The following KLHL4 variants were observed in gnomAD, a reference collection of about 807,000 sequenced individuals.
KLHL4 encodes kelch like family member 4, also known as kelch-like protein 4.
Under a neutral mutation model 45.8 loss-of-function variants are expected in KLHL4, and 17 were observed. The observed-to-expected ratio is 0.37, with a 90% CI of 0.25 to 0.56. The LOEUF is 0.56. KLHL4 is among the 20% of genes least tolerant of loss of function. The probability of loss-of-function intolerance (pLI) is 0.79; values close to 1 mark genes in which losing one functional copy is unlikely to be tolerated. For missense variants in KLHL4, 544 were observed against 544.9 expected, an observed-to-expected ratio of 1.00 and a Z score of 0.02; for synonymous variants, 224 against 189.9, an observed-to-expected ratio of 1.18 and a Z score of -1.47.
chrX:87,647,959 CAGAA>C (rs776227667), intron 9 of KLHL4, among the ~76,000 whole-genome samples: 7 of 110,857 alleles, frequency 6.3e-5, no homozygotes, highest in Non-Finnish European at 9.5e-5. Flanking sequence ...ACAAAATATA[CAGAA>C]AGAATTATTA....
chrX:87,667,761 T>C lies in KLHL4; in HGVS notation c.*1227T>C, dbSNP rs1038257011. 5 of 701,355 alleles carry C rather than the reference T, an allele frequency of 7.1e-6. No homozygotes were observed. The highest frequency in any genetic ancestry group is 8.4e-6 in the Non-Finnish European group (5 of 592,001). 57.8% of individuals were successfully genotyped at this position (701,355 alleles called of 1,213,427 possible). ...AGTAAATGCACAACTTTAGAATTTC[T>C]ACAAATAAGTTCTTTTAAACAGTCT... On this transcript the variant is annotated 3_prime_UTR_variant, in exon 11 of 11. Transcript: ENST00000373119.
intron 1 of KLHL4, among the ~76,000 whole-genome samples, chrX:87,554,619 T>A (rs1931924278): frequency 9.4e-6 from 1 of 106,929 alleles, no homozygotes; most frequent in African/African-American, 3.4e-5. Context: ...AGATTTTGGC[T>A]GAGACAATGG....
rs771044763 is a variant in KLHL4, at chrX:87,537,692, A to G, written c.422+19377A>G. 2.7e-5 allele frequency among the ~76,000 whole-genome samples: 3 copies of G among 111,394 alleles called. No homozygotes were observed. The East Asian group carries it at 8.4e-4, about 31-fold the overall frequency. ...ATATGAAGAGATTTCCTTTAAATTT[A>G]CTTGTTTTTAAAAATATGCCCATAT... On this transcript the variant is annotated intron_variant, in intron 1 of 10. Transcript: ENST00000373119.
At chrX:87,651,111 G>A (rs1193497638) in intron 9 of KLHL4, among the ~76,000 whole-genome samples, 3 of 111,788 alleles carry the variant, frequency 2.7e-5, no homozygotes, top group Admixed American at 1.9e-4. Context: ...GTCACTTTTC[G>A]TATGAATTAC....
chrX:87,589,067 C>G (rs959306784), intron 1 of KLHL4, among the ~76,000 whole-genome samples: 1 of 111,757 alleles, frequency 8.9e-6, no homozygotes, highest in South Asian at 3.7e-4. Context: ...TGCTCAACAT[C>G]ATTGATCATC....
intron 9 of KLHL4, among the ~76,000 whole-genome samples, chrX:87,646,359 A>T (rs1358948515): frequency 9.0e-6 from 1 of 111,648 alleles, no homozygotes; most frequent in Non-Finnish European, 1.9e-5. Context: ...CCTTTATAAT[A>T]CCACCAGCAT....
At chrX:87,555,407 G>T (rs999991983) in intron 1 of KLHL4, among the ~76,000 whole-genome samples, 2 of 111,356 alleles carry the variant, frequency 1.8e-5, no homozygotes, top group Non-Finnish European at 3.8e-5. Context: ...CTTGTTATTG[G>T]TCTATTCAGA....
chrX:87,583,046 C>T (rs1921337504), intron 1 of KLHL4, among the ~76,000 whole-genome samples: 1 of 110,599 alleles, frequency 9.0e-6, no homozygotes, highest in Non-Finnish European at 1.9e-5. Context: ...CTGATTAGTA[C>T]ATTTTATAAT....
In KLHL4 at chrX:87,666,886, A is replaced by T; in HGVS notation, c.*352A>T. 1 of 723,465 alleles carries T rather than the reference A, an allele frequency of 1.4e-6. No homozygotes were observed. The highest frequency in any genetic ancestry group is 1.6e-6 in the Non-Finnish European group (1 of 608,906). 59.6% of individuals were successfully genotyped at this position (723,465 alleles called of 1,213,427 possible). On this transcript the variant is annotated 3_prime_UTR_variant, in exon 11 of 11. Coordinates refer to ENST00000373119, the MANE Select transcript of KLHL4 (RefSeq NM_019117.5). ...AAGCATTAATACATTTCAAGGTAAG[A>T]GCCTTAAAAGTTAAAAACATTTTCA... is the stretch of plus-strand genomic sequence containing the variant.
intron 1 of KLHL4, among the ~76,000 whole-genome samples, chrX:87,551,628 C>A (rs144870542): frequency 1.3e-5 from 1 of 77,714 alleles, no homozygotes; most frequent in African/African-American, 5.1e-5. Flanking sequence ...AATCTTGTGT[C>A]ATCACACTAC....
At chrX:87,601,068 A>T (rs774985348) in intron 1 of KLHL4, among the ~76,000 whole-genome samples, 6 of 111,815 alleles carry the variant, frequency 5.4e-5, no homozygotes, top group Non-Finnish European at 1.1e-4. Flanking sequence ...CCAGCAGCGA[A>T]TCCATACAGG....
At chrX:87,533,146 C>T (rs1389136111) in intron 1 of KLHL4, among the ~76,000 whole-genome samples, 4 of 109,419 alleles carry the variant, frequency 3.7e-5, no homozygotes, top group African/African-American at 6.7e-5. Context: ...GTCAGTGTGG[C>T]GATTCCTCAG....
intron 1 of KLHL4, among the ~76,000 whole-genome samples, chrX:87,595,952 G>T (rs2147803024): frequency 9.0e-6 from 1 of 111,471 alleles, no homozygotes; most frequent in Non-Finnish European, 1.9e-5. Flanking sequence ...GGAGGTGATT[G>T]GATCATGGAG....
intron 1 of KLHL4, among the ~76,000 whole-genome samples, chrX:87,602,572 G>A (rs181782802): frequency 1.7e-4 from 19 of 111,946 alleles, no homozygotes; most frequent in African/African-American, 1.3e-4. Flanking sequence ...GTTTGTAGCT[G>A]AGGAGCAATA....
chrX:87,560,068 C>A (rs4828472), intron 1 of KLHL4, among the ~76,000 whole-genome samples: 27,718 of 110,558 alleles, frequency 0.25, 2,950 homozygotes, highest in East Asian at 0.51. Flanking sequence ...AGTTGTTCCT[C>A]TGTATATATA....
At chrX:87,628,753 T>C (rs1339213001) in intron 6 of KLHL4, among the ~76,000 whole-genome samples, 2 of 111,703 alleles carry the variant, frequency 1.8e-5, no homozygotes, top group Non-Finnish European at 3.8e-5. Context: ...TTTTGATGTT[T>C]AGGAAATACA....
chrX:87,593,755 C>G lies in KLHL4; in HGVS notation c.423-20122C>G, dbSNP rs189686334. On this transcript the variant is annotated intron_variant, in intron 1 of 10. Transcript: ENST00000373119. ...AAGGAGCCACCAGAGAGGTCCATGT[C>G]CACAACTGTAGTTCTCCAAAATTAA... is the stretch of plus-strand genomic sequence containing the variant. Among the ~76,000 whole-genome samples, 234 of 111,237 alleles carry G rather than the reference C, an allele frequency of 2.1e-3. 1 individual carries two copies. The highest frequency in any genetic ancestry group is 2.8e-3 in the Non-Finnish European group (147 of 52,957).
intron 1 of KLHL4, among the ~76,000 whole-genome samples, chrX:87,544,448 C>T (rs930544685): frequency 9.0e-6 from 1 of 111,544 alleles, no homozygotes; most frequent in Non-Finnish European, 1.9e-5. Context: ...AAGTCAAGTC[C>T]TTGAAAGAAC....
Position 87,669,717 on chromosome X carries a change from G to A in KLHL4, c.*3183G>A, listed in dbSNP as rs994010928. ...GATTTTTCAGTTGCTATTTCTCTTC[G>A]TAATGAATTTTCTTTACATCCTGTC... On this transcript the variant is annotated 3_prime_UTR_variant, in exon 11 of 11. Transcript: ENST00000373119. 6.0e-6 allele frequency: 1 copy of A among 167,357 alleles called. No individual in the cohort carries two copies. The highest frequency in any genetic ancestry group is 3.1e-5 in the African/African-American group (1 of 32,745). The allele number at this position is 167,357 out of a possible 1,213,427, so 13.8% of individuals were successfully genotyped here.
Sources: allele counts gnomAD v4.1 joint callset (sites outside exome capture counted in the v4.1 genomes callset), GRCh38; gene constraint gnomAD v4.1.1; transcripts MANE v1.5; gene names NCBI Gene and HGNC (gene_info 2026-07-23, HGNC 2026-07-21).